The following WBP4 variants were observed in gnomAD, a reference collection of about 807,000 sequenced individuals.
The protein encoded by WBP4 is WW domain binding protein 4, also known as WW domain-binding protein 4.
A neutral mutation model predicts 55.4 loss-of-function variants in WBP4; 37 were observed. The observed-to-expected ratio is 0.67, with a 90% CI of 0.51 to 0.88. The LOEUF (loss-of-function observed/expected upper bound fraction) is 0.88. WBP4 is among the 40% of genes least tolerant of loss of function. WBP4 has a pLI of 0.00. For synonymous variants in WBP4, 142 were observed against 140.2 expected, an observed-to-expected ratio of 1.01 and a Z score of -0.09; for missense variants, 398 against 420.8, an observed-to-expected ratio of 0.95 and a Z score of 0.47.
chr13:41,075,290 C>T (rs1188757778), intron 7 of WBP4, among the ~76,000 whole-genome samples: 1 of 152,088 alleles, frequency 6.6e-6, no homozygotes, highest in Non-Finnish European at 1.5e-5. Context: ...ATTGCTGCCC[C>T]CCCACCCACC....
intron 7 of WBP4, 102 bp from the exon 8 acceptor site, chr13:41,075,942 C>T: frequency 3.4e-6 from 4 of 1,190,330 alleles, no homozygotes; most frequent in Non-Finnish European, 3.6e-6. Flanking sequence ...GAAATACATA[C>T]AGTATTGTCA....
chr13:41,062,735 T>A lies in WBP4; in HGVS notation c.75+19T>A, dbSNP rs988138319. ...TAGGCCTGTATGATAATTCCGCTGT[T>A]AGAGATTCTAATAATAATTGTGTTG... On this transcript the variant is annotated intron_variant, in intron 2 of 9. Coordinates refer to ENST00000379487, the MANE Select transcript of WBP4 (RefSeq NM_007187.5). 6.3e-7 allele frequency: 1 copy of A among 1,592,490 alleles called. No individual in the cohort carries two copies. The highest frequency in any genetic ancestry group is 1.3e-5 in the African/African-American group (1 of 74,264).
At position 41,068,592 on chromosome 13, in the gene WBP4, C is replaced by G. The variant is rs758314695; in HGVS notation, c.294C>G (p.Thr98=). The part of the protein sequence containing the change: ...EILEPSITPV[T]STIPPTSTSN... The stretch of plus-strand genomic sequence containing the variant: ...TGGAGCCAAGCATAACACCAGTAAC[C>G]AGCACTATCCCACCTACCTCGACAT... The change falls in exon 5 of 10, where the codon ACC becomes ACG. Residue 98 remains threonine (T), a synonymous_variant. Transcript: ENST00000379487. The G allele has an allele frequency of 1.9e-5, 30 of 1,610,828 alleles. No homozygotes were observed. The highest frequency in any genetic ancestry group is 2.5e-5 in the Non-Finnish European group (29 of 1,178,938).
chr13:41,069,921 C>T (rs1878164267), intron 5 of WBP4, among the ~76,000 whole-genome samples: 1 of 150,576 alleles, frequency 6.6e-6, no homozygotes, highest in Non-Finnish European at 1.5e-5. Flanking sequence ...TGTCGTTTTA[C>T]AGTAACAATA....
At chr13:41,081,581 A>G (rs1878781858) in intron 9 of WBP4, among the ~76,000 whole-genome samples, 1 of 151,992 alleles carries the variant, frequency 6.6e-6, no homozygotes, top group Admixed American at 6.6e-5. Flanking sequence ...AGCAAAGTAC[A>G]TTTCTATAGG....
intron 6 of WBP4, 118 bp downstream of exon 6, chr13:41,071,691 C>A: frequency 1.2e-6 from 1 of 867,562 alleles, no homozygotes; most frequent in Non-Finnish European, 1.8e-6. Context: ...CCTCCACCCC[C>A]AAACTGTGTC....
chr13:41,067,129 T>A (rs1003370508), intron 4 of WBP4, among the ~76,000 whole-genome samples: 1 of 152,114 alleles, frequency 6.6e-6, no homozygotes, highest in African/African-American at 2.4e-5. Context: ...TCCCAGCGAT[T>A]TTTTGGTAGA....
rs1288183769 is a variant in WBP4 at position 41,065,258 on chromosome 13, A to G, written c.233A>G (p.Glu78Gly). The G allele has an allele frequency of 6.3e-7, 1 of 1,592,994 alleles. No homozygotes were observed. Among genetic ancestry groups the G allele is most frequent in the Non-Finnish European group, 8.6e-7 (1 of 1,168,560 alleles). ...GCAGCTGCCCTGAAAGCATACCAAG[A>G]GGATTTGAAAAGACTTGGCTTAGAG... ...MEAAALKAYQ[E>G]DLKRLGLESE... Residue 78 changes from glutamate (E) to glycine (G), a missense_variant, in exon 4 of 10, where the codon GAG (glutamate) becomes GGG (glycine). Glu to Gly is a moderately conservative substitution (Grantham distance 98). Coordinates refer to ENST00000379487, the MANE Select transcript of WBP4 (RefSeq NM_007187.5).
intron 5 of WBP4, 33 bp downstream of exon 5, chr13:41,068,770 C>G (rs148682796): frequency 1.3e-5 from 20 of 1,521,366 alleles, no homozygotes; most frequent in Non-Finnish European, 1.7e-5. Flanking sequence ...TGGTAAAGAA[C>G]AGTGTCACTA....
Position 41,062,350 on chromosome 13 carries a change from C to T in WBP4, c.3-294C>T, listed in dbSNP as rs768860001. 1.8e-4 allele frequency: 164 copies of T among 919,498 alleles called. 1 individual carries two copies. Among genetic ancestry groups the T allele is most frequent in the Middle Eastern group, 5.6e-4 (1 of 1,796 alleles). The allele number at this position is 919,498 out of a possible 1,614,324, so 57.0% of individuals were successfully genotyped here. A position where few individuals can be genotyped will look rare whatever the true frequency, so the allele number is the denominator to read the frequency against. ...AAAGCCAGAAAGGATAAATGTTCTTCTAAGATGTTCCTTAGTTTTTCATAA... is the reference window on the plus strand; with the variant it reads ...AAAGCCAGAAAGGATAAATGTTCTTTTAAGATGTTCCTTAGTTTTTCATAA... On this transcript the variant is annotated intron_variant, in intron 1 of 9. Transcript: ENST00000379487.
At chr13:41,075,514 G>C (rs950519549) in intron 7 of WBP4, among the ~76,000 whole-genome samples, 5 of 152,018 alleles carry the variant, frequency 3.3e-5, no homozygotes, top group African/African-American at 4.8e-5. Flanking sequence ...CCTGAGTAGT[G>C]GGTACTGCAG....
chr13:41,074,494 G>A (rs982746879), intron 7 of WBP4, among the ~76,000 whole-genome samples: 14 of 152,106 alleles, frequency 9.2e-5, no homozygotes, highest in South Asian at 4.1e-4. Flanking sequence ...ATATAAAATA[G>A]TATAGTGATA....
intron 2 of WBP4, among the ~76,000 whole-genome samples, chr13:41,063,800 T>C (rs1877819296): frequency 6.6e-6 from 1 of 152,178 alleles, no homozygotes; most frequent in Non-Finnish European, 1.5e-5. Context: ...GGAAACGCAA[T>C]GTATGAAAAA....
At chr13:41,071,849 T>C (rs1878260557) in intron 6 of WBP4, among the ~76,000 whole-genome samples, 1 of 151,998 alleles carries the variant, frequency 6.6e-6, no homozygotes, top group Non-Finnish European at 1.5e-5. Flanking sequence ...AAGACCAGCC[T>C]GGCCAAGATG....
At chr13:41,078,098 A>G (rs1442865840) in intron 8 of WBP4, among the ~76,000 whole-genome samples, 1 of 152,220 alleles carries the variant, frequency 6.6e-6, no homozygotes, top group Non-Finnish European at 1.5e-5. Flanking sequence ...CACAATCCCT[A>G]TCAAATTACC....
rs1433068599 is a variant in WBP4 at position 41,071,634 on chromosome 13, T to C, written c.486+61T>C. On this transcript the variant is annotated intron_variant, in intron 6 of 9. Transcript: ENST00000379487. ...TCTTTACAGTGATTCGTTTCTTAGG[T>C]TTTTGTAGAGTTTTGCTAAGCAACT... 2.7e-6 allele frequency: 4 copies of C among 1,490,628 alleles called. No homozygotes were observed. In the Middle Eastern group the frequency reaches 5.3e-4, roughly 196 times the overall value. The allele number at this position is 1,490,628 out of a possible 1,614,324, so 92.3% of individuals were successfully genotyped here.
rs759583688 is a variant in WBP4, at chr13:41,062,739, G to T, written c.75+23G>T. The T allele has an allele frequency of 2.5e-6, 4 of 1,590,836 alleles. No homozygotes were observed. In the South Asian group the frequency reaches 4.5e-5, roughly 18 times the overall value. On this transcript the variant is annotated intron_variant, in intron 2 of 9. Transcript: ENST00000379487. ...CCTGTATGATAATTCCGCTGTTAGA[G>T]ATTCTAATAATAATTGTGTTGAATG...
At chr13:41,078,432 T>A (rs972782079) in intron 8 of WBP4, among the ~76,000 whole-genome samples, 1 of 152,188 alleles carries the variant, frequency 6.6e-6, no homozygotes, top group Non-Finnish European at 1.5e-5. Context: ...GAAAACTGGC[T>A]AGCTGTATGC....
rs376702562 is a variant in WBP4 at position 41,083,677 on chromosome 13, T to C, written c.*763T>C. 6 of 152,242 alleles carry C rather than the reference T, an allele frequency of 3.9e-5. No individual in the cohort carries two copies. Among genetic ancestry groups the C allele is most frequent in the Non-Finnish European group, 8.8e-5 (6 of 68,034 alleles). The allele number at this position is 152,242 out of a possible 1,614,324, so 9.4% of individuals were successfully genotyped here. A position where few individuals can be genotyped will look rare whatever the true frequency, so the allele number is the denominator to read the frequency against. Reference sequence around the variant, plus strand: ...TCATGCACTCTTTTTAGCAGTCTTATATGTACTAGAAAAGATTTTTTAAAG... The same window carrying C: ...TCATGCACTCTTTTTAGCAGTCTTACATGTACTAGAAAAGATTTTTTAAAG... On this transcript the variant is annotated 3_prime_UTR_variant, in exon 10 of 10. Coordinates refer to ENST00000379487, the MANE Select transcript of WBP4 (RefSeq NM_007187.5).
Sources: gnomAD v4.1 joint callset for allele counts (sites outside exome capture counted in the v4.1 genomes callset) on GRCh38, gnomAD v4.1.1 for gene constraint, MANE v1.5 for transcripts, NCBI Gene and HGNC (gene_info 2026-07-23, HGNC 2026-07-21) for gene names.